CRBN: variants seen among roughly 807,000 people sequenced by gnomAD.
The protein encoded by CRBN is cereblon, also known as protein cereblon.
In CRBN, 53 loss-of-function variants were observed where a neutral mutation model predicts 62.2. That is an observed-to-expected ratio of 0.85 (90% confidence interval 0.68 to 1.07). The LOEUF is 1.07. CRBN is among the 50% of genes least tolerant of loss of function. CRBN has a pLI of 0.00. For synonymous variants in CRBN, 208 were observed against 176.1 expected, an observed-to-expected ratio of 1.18 and a Z score of -1.43; for missense variants, 616 against 531.1, an observed-to-expected ratio of 1.16 and a Z score of -1.57.
chr3:3,174,862 T>C (rs576084992), intron 2 of CRBN, among the ~76,000 whole-genome samples: 1 of 152,270 alleles, frequency 6.6e-6, no homozygotes, highest in African/African-American at 2.4e-5. Context: ...TCACAAACAG[T>C]AAGTATAAAA....
At chr3:3,170,488 A>C (rs1217601502) in intron 4 of CRBN, among the ~76,000 whole-genome samples, 2 of 152,212 alleles carry the variant, frequency 1.3e-5, no homozygotes, top group Non-Finnish European at 2.9e-5. Context: ...TTTGGAAGTC[A>C]TGGGACCTAG....
At position 3,162,314 on chromosome 3, in the gene CRBN, C is replaced by CT. The variant is rs772760476; in HGVS notation, c.687+5319dup. On this transcript the variant is annotated intron_variant, in intron 5 of 10. Coordinates refer to ENST00000231948, the MANE Select transcript of CRBN (RefSeq NM_016302.4). ...TCCAAACAGGTTTAAACAAAATTTC[C>CT]TCTTTTTTTTTGAGGAGGATTTTTA... Among the ~76,000 whole-genome samples the CT allele has an allele frequency of 2.8e-3, 421 of 152,096 alleles. 1 individual carries two copies. The highest frequency in any genetic ancestry group is 4.9e-3 in the Non-Finnish European group (333 of 67,962).
rs1707732923 is a variant in CRBN, at chr3:3,174,091, C to A, written c.345G>T (p.Gln115His). 2 of 1,614,042 alleles carry A rather than the reference C, an allele frequency of 1.2e-6. No individual in the cohort carries two copies. Among genetic ancestry groups the A allele is most frequent in the Admixed American group, 1.7e-5 (1 of 60,000 alleles). Reference sequence around the variant, plus strand: ...CAAGAACAGCAAAGGTTCTATCTTTCTGAATTAAATTCCGCACCATACTGA... The same window carrying A: ...CAAGAACAGCAAAGGTTCTATCTTTATGAATTAAATTCCGCACCATACTGA... The part of the protein sequence containing the change: ...QEVSMVRNLI[Q>H]KDRTFAVLAY... The change falls in exon 3 of 11, where the codon CAG becomes CAT. Residue 115 changes from glutamine (Q) to histidine (H), a missense_variant. Transcript: ENST00000231948.
intron 4 of CRBN, among the ~76,000 whole-genome samples, chr3:3,170,739 G>A (rs941437551): frequency 2.0e-5 from 3 of 152,130 alleles, no homozygotes; most frequent in African/African-American, 7.2e-5. Context: ...CCTTAATAAT[G>A]GGTCTACAGA....
At position 3,165,378 on chromosome 3, in the gene CRBN, G is replaced by A. The variant is rs531204338; in HGVS notation, c.687+2256C>T. ...ATCAAACAGCGCCGCATGCTAAAGA[G>A]GGATCTTTTGTGAAAGGAAGAGTCA... On this transcript the variant is annotated intron_variant, in intron 5 of 10. Coordinates refer to ENST00000231948, the MANE Select transcript of CRBN (RefSeq NM_016302.4). Among the ~76,000 whole-genome samples the A allele has an allele frequency of 3.3e-5, 5 of 152,158 alleles. No homozygotes were observed. In the East Asian group the frequency reaches 9.6e-4, roughly 29 times the overall value.
At position 3,152,533 on chromosome 3, in the gene CRBN, A is replaced by G. The variant is rs1177099657; in HGVS notation, c.1071T>C (p.His357=). The change falls in exon 10 of 11, where the codon CAT becomes CAC. Residue 357 remains histidine (H), a synonymous_variant. Transcript: ENST00000231948. ...AAYVNPHGYV[H]ETLTVYKACN... is the part of the protein sequence containing the mutation. Reference sequence around the variant, plus strand: ...AAGCCTTATACACAGTAAGTGTCTCATGCACATATCCATGAGGATTCACAT... The same window carrying G: ...AAGCCTTATACACAGTAAGTGTCTCGTGCACATATCCATGAGGATTCACAT... 5.0e-6 allele frequency: 8 copies of G among 1,614,116 alleles called. No homozygotes were observed. The highest frequency in any genetic ancestry group is 3.3e-4 in the Middle Eastern group (2 of 6,062).
rs2126072789 is a variant in CRBN at position 3,179,673 on chromosome 3, T to C, written c.15A>G (p.Gly5=). 1.9e-6 allele frequency: 3 copies of C among 1,612,940 alleles called. No homozygotes were observed. The South Asian group carries it at 3.3e-5, about 18-fold the overall frequency. ...TGTTGTGCGCAGCGTCCTGCTGATC[T>C]CCTTCGCCGGCCATGTCTGTTTACC... is the stretch of plus-strand genomic sequence containing the variant. MAGE[G]DQQDAAHNMG... The change falls in exon 1 of 11, where the codon GGA becomes GGG. Residue 5 remains glycine, a synonymous_variant. Transcript: ENST00000231948.
At chr3:3,174,383 G>C (rs1559257588) in intron 2 of CRBN, 122 bp from the exon 3 acceptor site, 4 of 815,344 alleles carry the variant, frequency 4.9e-6, no homozygotes, top group Non-Finnish European at 8.0e-6. Flanking sequence ...GCTCACACCT[G>C]TAATTCCAGC....
At chr3:3,173,992 TCAACACTGACCA>T in intron 3 of CRBN, 55 bp downstream of exon 3, 1 of 1,354,832 alleles carries the variant, frequency 7.4e-7, no homozygotes, top group South Asian at 1.2e-5. Context: ...TGCTTTGGCT[TCAACACTGACCA>T]CTGCAATTAC....
chr3:3,168,227 C>T (rs1310268745), intron 4 of CRBN, among the ~76,000 whole-genome samples: 1 of 146,452 alleles, frequency 6.8e-6, no homozygotes, highest in African/African-American at 2.8e-5. Flanking sequence ...CATAAGTCAT[C>T]TAATCTAAGT....
chr3:3,179,628 G>A lies in CRBN; in HGVS notation c.60C>T (p.Leu20=). ...AAHNMGNHLP[L]LPAESEEEDE... ...ACTACTCCGGGCGGTTACCAGGCAG[G>A]AGCGGCAGGTGGTTGCCCATGTTGT... The change falls in exon 1 of 11, where the codon CTC becomes CTT. Residue 20 remains leucine, a synonymous_variant. Coordinates refer to ENST00000231948, the MANE Select transcript of CRBN (RefSeq NM_016302.4). The A allele has an allele frequency of 6.2e-7, 1 of 1,613,590 alleles. No homozygotes were observed. The highest frequency in any genetic ancestry group is 8.5e-7 in the Non-Finnish European group (1 of 1,179,664).
intron 5 of CRBN, among the ~76,000 whole-genome samples, chr3:3,161,331 CAGAG>C (rs942686987): frequency 2.8e-4 from 42 of 152,308 alleles, no homozygotes; most frequent in African/African-American, 9.9e-4. Flanking sequence ...CCCTTGCTCT[CAGAG>C]AAATTCAAAT....
chr3:3,165,875 T>G (rs1030654670), intron 5 of CRBN, among the ~76,000 whole-genome samples: 3 of 152,194 alleles, frequency 2.0e-5, no homozygotes, highest in African/African-American at 4.8e-5. Flanking sequence ...CGTATTTCAG[T>G]AGCAAACCAG....
At chr3:3,159,366 A>ACACT in intron 5 of CRBN, among the ~76,000 whole-genome samples, 1 of 152,350 alleles carries the variant, frequency 6.6e-6, no homozygotes, top group African/African-American at 2.4e-5. Flanking sequence ...TTTCGCTGAC[A>ACACT]CACTCCTCAT....
intron 6 of CRBN, 123 bp from the exon 7 acceptor site, chr3:3,154,954 A>G (rs1706817369): frequency 1.5e-6 from 1 of 686,490 alleles, no homozygotes; most frequent in East Asian, 2.7e-5. Flanking sequence ...TCTCAGTCCC[A>G]GTTTAAATGC....
intron 1 of CRBN, among the ~76,000 whole-genome samples, chr3:3,177,917 A>C (rs1707891277): frequency 1.3e-5 from 2 of 152,200 alleles, no homozygotes; most frequent in South Asian, 4.1e-4. Flanking sequence ...CCCTACAAAT[A>C]AAATTTACGT....
In CRBN at chr3:3,167,651, A is replaced by G; in HGVS notation, c.670T>C (p.Trp224Arg). 14 of 1,613,038 alleles carry G rather than the reference A, an allele frequency of 8.7e-6. No individual in the cohort carries two copies. The highest frequency in any genetic ancestry group is 1.2e-5 in the Non-Finnish European group (14 of 1,179,366). The change falls in exon 5 of 11, where the codon TGG (tryptophan) becomes CGG (arginine). Residue 224 changes from tryptophan (W) to arginine (R), a missense_variant. Coordinates refer to ENST00000231948, the MANE Select transcript of CRBN (RefSeq NM_016302.4). ...TTTCTCACCTTCTGGTATTTCTGCC[A>G]CCATTTATATGAACATTGGTCTTCT... ...SREDQCSYKW[W>R]QKYQKRKFHC...
chr3:3,167,439 C>T (rs925693784), intron 5 of CRBN, 195 bp downstream of exon 5: 1 of 566,350 alleles, frequency 1.8e-6, no homozygotes, highest in Non-Finnish European at 3.1e-6. Flanking sequence ...AGCTGTGTGA[C>T]ATTTTATTGC....
At chr3:3,151,601 A>AT (rs1269940703) in intron 10 of CRBN, among the ~76,000 whole-genome samples, 18 of 152,262 alleles carry the variant, frequency 1.2e-4, no homozygotes, top group African/African-American at 3.9e-4. Flanking sequence ...CTGTTTCCTT[A>AT]TTTTTTTCCC....
Sources: gnomAD v4.1 joint callset for allele counts (sites outside exome capture counted in the v4.1 genomes callset) on GRCh38, gnomAD v4.1.1 for gene constraint, MANE v1.5 for transcripts, NCBI Gene and HGNC (gene_info 2026-07-23, HGNC 2026-07-21) for gene names.